ANK3: variants seen among roughly 807,000 people sequenced by gnomAD.
ANK3 encodes ankyrin-3.
In ANK3, 57 loss-of-function variants were observed where a neutral mutation model predicts 370.9. The observed-to-expected ratio is 0.15, with a 90% CI of 0.12 to 0.19. The LOEUF is 0.19. ANK3 is among the 10% of genes least tolerant of loss of function. The probability of loss-of-function intolerance (pLI) is 1.00; values close to 1 mark genes in which losing one functional copy is unlikely to be tolerated. For missense variants in ANK3, 4,439 were observed against 5,302.1 expected, an observed-to-expected ratio of 0.84 and a Z score of 5.06; for synonymous variants, 1,929 against 1,946.3, an observed-to-expected ratio of 0.99 and a Z score of 0.23.
chr10:60,521,452 GTC>G (rs1488154712), intron 2 of ANK3, among the ~76,000 whole-genome samples: 1 of 152,074 alleles, frequency 6.6e-6, no homozygotes, highest in Non-Finnish European at 1.5e-5. Context: ...GGTATTAACT[GTC>G]TTACAGTTTA....
At chr10:60,281,497 A>G (rs535912270) in intron 1 of ANK3, among the ~76,000 whole-genome samples, 16 of 152,324 alleles carry the variant, frequency 1.1e-4, no homozygotes, top group Non-Finnish European at 1.9e-4. Flanking sequence ...ACACTTGAGG[A>G]GGCTTAACTC....
chr10:60,090,698 T>C (rs968388493), intron 28 of ANK3, among the ~76,000 whole-genome samples: 8 of 152,206 alleles, frequency 5.3e-5, no homozygotes, highest in Middle Eastern at 3.2e-3. Context: ...AAATGCCAAT[T>C]AGAATGAGAT....
rs576246889 is a variant in ANK3, at chr10:60,208,017, C to T, written c.1194+19G>A. 16 of 1,609,838 alleles carry T rather than the reference C, an allele frequency of 9.9e-6. No homozygotes were observed. Among genetic ancestry groups the T allele is most frequent in the East Asian group, 8.9e-5 (4 of 44,846 alleles). ...TGAGCAAGACAACTGAGGCTGGACTCGCTGGTTGAGCCACTCACCAGGGCT... is the reference window on the plus strand; with the variant it reads ...TGAGCAAGACAACTGAGGCTGGACTTGCTGGTTGAGCCACTCACCAGGGCT... On this transcript the variant is annotated intron_variant, in intron 10 of 43. Transcript: ENST00000280772.
At chr10:60,593,688 A>C (rs1338767482) in intron 2 of ANK3, among the ~76,000 whole-genome samples, 1 of 152,188 alleles carries the variant, frequency 6.6e-6, no homozygotes, top group Non-Finnish European at 1.5e-5. Flanking sequence ...AGAAAATTAA[A>C]TATGTACCAA....
At chr10:60,287,618 C>A (rs964136449) in intron 1 of ANK3, among the ~76,000 whole-genome samples, 1 of 152,274 alleles carries the variant, frequency 6.6e-6, no homozygotes, top group South Asian at 2.1e-4. Context: ...CTTAAGTATT[C>A]AATCAAAACA....
rs112146686 is a variant in ANK3 at position 60,623,473 on chromosome 10, T to C, written c.58-8249A>G. Among the ~76,000 whole-genome samples, 172 of 151,826 alleles carry C rather than the reference T, an allele frequency of 1.1e-3. 1 individual carries two copies. The highest frequency in any genetic ancestry group is 6.8e-3 in the Middle Eastern group (2 of 294). Reference sequence around the variant, plus strand: ...AGGGGAAAGGCCAGGTAGGAAAACATAGGGTGATTAAGTAACCTGGGACCA... The same window carrying C: ...AGGGGAAAGGCCAGGTAGGAAAACACAGGGTGATTAAGTAACCTGGGACCA... On this transcript the variant is annotated intron_variant, in intron 1 of 43. Coordinates refer to the ANK3 transcript ENST00000373827.
chr10:60,683,547 G>A (rs951214241), intron 1 of ANK3, among the ~76,000 whole-genome samples: 2 of 152,172 alleles, frequency 1.3e-5, no homozygotes, highest in African/African-American at 4.8e-5. Flanking sequence ...TTTCACAAGT[G>A]GGGTTTCCTT....
intron 1 of ANK3, among the ~76,000 whole-genome samples, chr10:60,648,041 T>C (rs2078733045): frequency 6.6e-6 from 1 of 151,552 alleles, no homozygotes; most frequent in Admixed American, 6.6e-5. Context: ...AGAGATGGGG[T>C]TTCACATGTT....
At chr10:60,186,347 C>CTCTCTT (rs565262395) in intron 17 of ANK3, among the ~76,000 whole-genome samples, 11,101 of 133,100 alleles carry the variant, frequency 0.083, 708 homozygotes, top group African/African-American at 0.13. Context: ...ATCTTTCTGT[C>CTCTCTT]TTTTTTTTTT....
intron 1 of ANK3, among the ~76,000 whole-genome samples, chr10:60,673,661 G>A (rs926016789): frequency 1.3e-5 from 2 of 152,118 alleles, no homozygotes; most frequent in African/African-American, 2.4e-5. Context: ...CATCAGACAA[G>A]TTTTTAAATA....
chr10:60,343,909 T>G (rs563822373), intron 1 of ANK3, among the ~76,000 whole-genome samples: 7 of 152,222 alleles, frequency 4.6e-5, no homozygotes, highest in African/African-American at 7.2e-5. Context: ...CCCCAAGTGA[T>G]GCTGATGTAG....
chr10:60,153,987 A>G (rs1017106587), intron 23 of ANK3, among the ~76,000 whole-genome samples: 2 of 152,176 alleles, frequency 1.3e-5, no homozygotes, highest in African/African-American at 4.8e-5. Flanking sequence ...ACATGTATTG[A>G]AGATCTCTGT....
intron 2 of ANK3, among the ~76,000 whole-genome samples, chr10:60,613,359 TA>T (rs1285399843): frequency 2.6e-5 from 4 of 152,140 alleles, no homozygotes; most frequent in Admixed American, 6.5e-5. Flanking sequence ...GACCTTTATT[TA>T]ACTATCTGAA....
At chr10:60,084,566 C>G in intron 32 of ANK3, 36 bp downstream of exon 32, 1 of 1,527,366 alleles carries the variant, frequency 6.5e-7, no homozygotes, top group Middle Eastern at 1.7e-4. Flanking sequence ...ATCTGGAGTA[C>G]GTAATGAAAT....
chr10:60,495,561 T>A (rs967989189), intron 2 of ANK3, among the ~76,000 whole-genome samples: 1 of 152,196 alleles, frequency 6.6e-6, no homozygotes, highest in African/African-American at 2.4e-5. Context: ...TAATTGCTCA[T>A]TGTGCACAAG....
At chr10:60,400,581 A>G (rs2063333165) in intron 2 of ANK3, among the ~76,000 whole-genome samples, 1 of 152,160 alleles carries the variant, frequency 6.6e-6, no homozygotes, top group African/African-American at 2.4e-5. Context: ...TTTTTACATT[A>G]CAATAAAAAC....
At chr10:60,478,796 C>T (rs1168245569) in intron 2 of ANK3, among the ~76,000 whole-genome samples, 1 of 152,002 alleles carries the variant, frequency 6.6e-6, no homozygotes, top group Non-Finnish European at 1.5e-5. Flanking sequence ...GTCAAAAGAC[C>T]TGGATTACAG....
At chr10:60,404,590 C>G (rs1015343989) in intron 2 of ANK3, among the ~76,000 whole-genome samples, 2 of 152,052 alleles carry the variant, frequency 1.3e-5, no homozygotes, top group African/African-American at 2.4e-5. Context: ...AATCATACAT[C>G]TAGACATAAA....
rs559308942 is a variant in ANK3 at position 60,181,456 on chromosome 10, C to T, written c.2086-29G>A. The stretch of plus-strand genomic sequence containing the variant: ...CAAAAGATTCAAAGGGCACAGTCAT[C>T]GTACAGGAAGGAATGTCACACACAT... On this transcript the variant is annotated intron_variant, in intron 17 of 43. Transcript: ENST00000280772. The T allele has an allele frequency of 1.9e-4, 308 of 1,595,206 alleles. 6 individuals carry two copies. In the South Asian group the frequency reaches 2.8e-3, roughly 15 times the overall value.
Sources: allele counts gnomAD v4.1 joint callset (sites outside exome capture counted in the v4.1 genomes callset), GRCh38; gene constraint gnomAD v4.1.1; transcripts MANE v1.5; gene names NCBI Gene and HGNC (gene_info 2026-07-23, HGNC 2026-07-21).